Variants in KIAA0753 observed in about 807,000 individuals in gnomAD.
KIAA0753 encodes the protein protein moonraker.
In KIAA0753, 114 loss-of-function variants were observed where a neutral mutation model predicts 116.9. The observed-to-expected ratio is 0.98, with a 90% CI of 0.84 to 1.14. The LOEUF (loss-of-function observed/expected upper bound fraction) is 1.14. Among genes scored for constraint, KIAA0753 ranks in the 50% most tolerant of loss-of-function variants. KIAA0753 has a pLI of 0.00. For synonymous variants in KIAA0753, 405 were observed against 413.1 expected (o/e 0.98, Z 0.24); for missense variants, 1,156 against 1,172.4 (o/e 0.99, Z 0.20).
At position 6,601,898 on chromosome 17, in the gene KIAA0753, C is replaced by A. The variant is rs536858906; in HGVS notation, c.2010-1440G>T. Among the ~76,000 whole-genome samples, 10 of 152,288 alleles carry A rather than the reference C, an allele frequency of 6.6e-5. No homozygotes were observed. In the East Asian group the frequency reaches 1.9e-3, roughly 29 times the overall value. Reference sequence around the variant, plus strand: ...CCATAGTATTGCGAGAAAATATCTGCTGCACACATATCTGGCAAGGGGCTC... The same window carrying A: ...CCATAGTATTGCGAGAAAATATCTGATGCACACATATCTGGCAAGGGGCTC... On this transcript the variant is annotated intron_variant, in intron 12 of 18. Transcript: ENST00000361413.
rs1230939796 is a variant in KIAA0753, at chr17:6,635,028, T to A, written c.76A>T (p.Lys26Ter). ...AGAACTACCTGGGTCTGAAGTACTT[T>A]GGGGTCGCTCCTCCCATCAAGTTGG... is the stretch of plus-strand genomic sequence containing the variant. ...RTQLDGRSDPKVLQTQNQLQF... is the reference protein window; with the variant it reads ...RTQLDGRSDP The change falls in exon 2 of 19, where the codon AAA (lysine) becomes TAA (stop). Residue 26 changes from lysine (K) to a stop codon, truncating the protein, a stop_gained. Transcript: ENST00000361413. LOFTEE classifies it high-confidence loss of function. 1.2e-6 allele frequency: 2 copies of A among 1,609,358 alleles called. No individual in the cohort carries two copies. The highest frequency in any genetic ancestry group is 2.7e-5 in the African/African-American group (2 of 74,818).
chr17:6,628,762 T>C (rs770663456), intron 2 of KIAA0753, 21 bp from the exon 3 acceptor site: 12 of 1,557,234 alleles, frequency 7.7e-6, no homozygotes, highest in South Asian at 1.2e-5. Context: ...CAAATAAAAG[T>C]AAGCAGACAT....
chr17:6,613,617 C>A (rs539374953), intron 7 of KIAA0753, among the ~76,000 whole-genome samples: 2 of 151,986 alleles, frequency 1.3e-5, no homozygotes, highest in East Asian at 3.9e-4. Flanking sequence ...AAAGGCAGCA[C>A]GATAACTCAG....
intron 6 of KIAA0753, among the ~76,000 whole-genome samples, chr17:6,621,612 C>A (rs530292351): frequency 1.2e-4 from 19 of 152,128 alleles, no homozygotes; most frequent in Non-Finnish European, 2.1e-4. Flanking sequence ...AGAAAACATG[C>A]TGTGAAATGA....
At chr17:6,620,435 C>CATATATATATATATATAT (rs56023780) in intron 7 of KIAA0753, among the ~76,000 whole-genome samples, 3 of 148,270 alleles carry the variant, frequency 2.0e-5, no homozygotes, top group East Asian at 2.0e-4. Flanking sequence ...TATATATATA[C>CATATATATATATATATAT]ACATATATAT....
At position 6,611,588 on chromosome 17, in the gene KIAA0753, G is replaced by A. The variant is rs539162137; in HGVS notation, c.1545+331C>T. ...ATTATAGGCCTGAGACACCACACCC[G>A]GCAGGAACCAAATCTTAATCCCCTC... On this transcript the variant is annotated intron_variant, in intron 8 of 18. Transcript: ENST00000361413. 1.8e-4 allele frequency among the ~76,000 whole-genome samples: 28 copies of A among 152,050 alleles called. No individual in the cohort carries two copies. In the South Asian group the frequency reaches 5.2e-3, roughly 28 times the overall value.
In KIAA0753 at chr17:6,596,155, T is replaced by G; in HGVS notation, c.2358+3A>C. The G allele has an allele frequency of 6.2e-7, 1 of 1,612,690 alleles. No homozygotes were observed. The highest frequency in any genetic ancestry group is 8.5e-7 in the Non-Finnish European group (1 of 1,178,878). On this transcript the variant is annotated splice_donor_region_variant and intron_variant, in intron 15 of 18. Coordinates refer to ENST00000361413, the MANE Select transcript of KIAA0753 (RefSeq NM_014804.3). ...GAACCAGACCCGGAGCCCCAGACCT[T>G]ACTTCCATCTCTTCCATTCGGCGCA... is the stretch of plus-strand genomic sequence containing the variant.
chr17:6,579,829 G>T lies in KIAA0753; in HGVS notation c.2822C>A (p.Ala941Asp), dbSNP rs773730122. ...SEELVDEALG[A>D]VAAELQDMCE... ...CATATCCTGAAGTTCAGCAGCCACA[G>T]CACCCAGAGCTTCATCTACCAGCTC... is the stretch of plus-strand genomic sequence containing the variant. The change falls in exon 19 of 19, where the codon GCT (alanine) becomes GAT (aspartate). Residue 941 changes from alanine (A) to aspartate (D), a missense_variant. Transcript: ENST00000361413. 6.2e-7 allele frequency: 1 copy of T among 1,613,816 alleles called. No individual in the cohort carries two copies. The highest frequency in any genetic ancestry group is 1.1e-5 in the South Asian group (1 of 91,082).
intron 16 of KIAA0753, among the ~76,000 whole-genome samples, chr17:6,593,511 T>G (rs1190801738): frequency 6.6e-6 from 1 of 151,816 alleles, no homozygotes; most frequent in Non-Finnish European, 1.5e-5. Flanking sequence ...ATCCCAGCAC[T>G]TCAGGAGGCC....
Position 6,620,854 on chromosome 17 carries a change from G to C in KIAA0753, c.1249C>G (p.Leu417Val). ...STSPKGERRP[L>V]TAKDTFPQET... The stretch of plus-strand genomic sequence containing the variant: ...TGTGGGAATGTGTCCTTTGCTGTGA[G>C]GGGCCTCCTCTCACCCTTTGGTGAT... Residue 417 changes from leucine to valine, a missense_variant, in exon 7 of 19, where the codon CTC becomes GTC. Coordinates refer to ENST00000361413, the MANE Select transcript of KIAA0753 (RefSeq NM_014804.3). 6.2e-7 allele frequency: 1 copy of C among 1,614,182 alleles called. No individual in the cohort carries two copies. Among genetic ancestry groups the C allele is most frequent in the Non-Finnish European group, 8.5e-7 (1 of 1,180,022 alleles).
At position 6,601,766 on chromosome 17, in the gene KIAA0753, T is replaced by C. The variant is rs1484396059; in HGVS notation, c.2010-1308A>G. On this transcript the variant is annotated intron_variant, in intron 12 of 18. Coordinates refer to ENST00000361413, the MANE Select transcript of KIAA0753 (RefSeq NM_014804.3). ...ACATAGGCAATGATTTCTTAGCTAG[T>C]TCACCAAAAATGACTAACCAGAAAA... 7.2e-5 allele frequency among the ~76,000 whole-genome samples: 11 copies of C among 152,288 alleles called. No individual in the cohort carries two copies. In the East Asian group the frequency reaches 1.7e-3, roughly 24 times the overall value.
intron 2 of KIAA0753, among the ~76,000 whole-genome samples, chr17:6,629,116 CT>C (rs1390210483): frequency 2.0e-5 from 3 of 152,196 alleles, no homozygotes; most frequent in African/African-American, 7.2e-5. Context: ...CCCATTGAAG[CT>C]TTCTTAAAAT....
intron 7 of KIAA0753, among the ~76,000 whole-genome samples, chr17:6,615,010 G>C (rs1270579199): frequency 3.3e-5 from 5 of 152,234 alleles, no homozygotes; most frequent in Non-Finnish European, 7.4e-5. Flanking sequence ...TGTTGGCCAG[G>C]CTGGTCTCAA....
intron 7 of KIAA0753, 62 bp from the exon 8 acceptor site, chr17:6,612,210 A>C: frequency 8.1e-7 from 1 of 1,238,376 alleles, no homozygotes; most frequent in South Asian, 1.3e-5. Context: ...ATTGCTGAGA[A>C]TGATTATCTA....
chr17:6,621,284 A>G (rs1404556447), intron 6 of KIAA0753, among the ~76,000 whole-genome samples: 1 of 152,234 alleles, frequency 6.6e-6, no homozygotes, highest in Admixed American at 6.5e-5. Flanking sequence ...TCATTTTAGA[A>G]ATTAACTATA....
intron 7 of KIAA0753, among the ~76,000 whole-genome samples, chr17:6,617,885 C>G (rs981193677): frequency 6.6e-6 from 1 of 152,178 alleles, no homozygotes; most frequent in Non-Finnish European, 1.5e-5. Context: ...GGCGGATCAC[C>G]TGAGGTTGGG....
chr17:6,595,635 T>C (rs941173912), intron 15 of KIAA0753, among the ~76,000 whole-genome samples: 2 of 152,260 alleles, frequency 1.3e-5, no homozygotes, highest in Non-Finnish European at 2.9e-5. Flanking sequence ...AGGATTTTTT[T>C]GTGACCTTGG....
Position 6,596,038 on chromosome 17 carries a change from G to A in KIAA0753, c.2358+120C>T, listed in dbSNP as rs542962618. 18 of 946,596 alleles carry A rather than the reference G, an allele frequency of 1.9e-5. No homozygotes were observed. The South Asian group carries it at 2.8e-4, about 15-fold the overall frequency. 58.6% of individuals were successfully genotyped at this position (946,596 alleles called of 1,614,324 possible). A position where few individuals can be genotyped will look rare whatever the true frequency, so the allele number is the denominator to read the frequency against. On this transcript the variant is annotated intron_variant, in intron 15 of 18. Coordinates refer to ENST00000361413, the MANE Select transcript of KIAA0753 (RefSeq NM_014804.3). ...CATACAGTTAGTTGGCAATAGAGCA[G>A]GGATTTAAAACTGGGACTGTGTGAC...
At chr17:6,582,104 C>T (rs1244401359) in intron 18 of KIAA0753, among the ~76,000 whole-genome samples, 2 of 152,176 alleles carry the variant, frequency 1.3e-5, no homozygotes, top group Non-Finnish European at 2.9e-5. Flanking sequence ...TATATTCATC[C>T]CAGCCTTCCC....
Sources: gnomAD v4.1 joint callset for allele counts (sites outside exome capture counted in the v4.1 genomes callset) on GRCh38, gnomAD v4.1.1 for gene constraint, MANE v1.5 for transcripts, NCBI Gene and HGNC (gene_info 2026-07-23, HGNC 2026-07-21) for gene names.